ARHGAP15: variants seen among roughly 807,000 people sequenced by gnomAD.
ARHGAP15 encodes Rho GTPase activating protein 15.
In ARHGAP15, 51 loss-of-function variants were observed where a neutral mutation model predicts 63.7. That is an observed-to-expected ratio of 0.80 (90% confidence interval 0.64 to 1.01). The LOEUF (loss-of-function observed/expected upper bound fraction) is 1.01, where lower values mean the gene tolerates loss of function less well. ARHGAP15 is among the 50% of genes least tolerant of loss of function. The probability of loss-of-function intolerance (pLI) is 0.00; values close to 1 mark genes in which losing one functional copy is unlikely to be tolerated. For missense variants in ARHGAP15, 560 were observed against 564.6 expected, an observed-to-expected ratio of 0.99 and a Z score of 0.08; for synonymous variants, 191 against 193.8, an observed-to-expected ratio of 0.99 and a Z score of 0.12.
At chr2:143,695,687 G>T (rs1470387490) in intron 12 of ARHGAP15, among the ~76,000 whole-genome samples, 1 of 152,176 alleles carries the variant, frequency 6.6e-6, no homozygotes. Context: ...GGGCAACACG[G>T]TGAAACCCCA....
intron 13 of ARHGAP15, among the ~76,000 whole-genome samples, chr2:143,728,049 G>C (rs58804019): frequency 0.057 from 8,668 of 152,226 alleles, 389 homozygotes; most frequent in East Asian, 0.26. Flanking sequence ...GTGTTAGTTT[G>C]CTAGGGCAGC....
chr2:143,583,738 A>G (rs1696999516), intron 11 of ARHGAP15, among the ~76,000 whole-genome samples: 1 of 152,350 alleles, frequency 6.6e-6, no homozygotes, highest in South Asian at 2.1e-4. Context: ...ACTGACAAAC[A>G]ACTACTTTTA....
intron 12 of ARHGAP15, among the ~76,000 whole-genome samples, chr2:143,691,145 G>A (rs555750870): frequency 6.6e-6 from 1 of 152,286 alleles, no homozygotes; most frequent in Non-Finnish European, 1.5e-5. Flanking sequence ...TTTTCAGTGA[G>A]GTGTTTGCCA....
At chr2:143,277,022 G>T (rs978975648) in intron 6 of ARHGAP15, among the ~76,000 whole-genome samples, 1 of 152,016 alleles carries the variant, frequency 6.6e-6, no homozygotes, top group South Asian at 2.1e-4. Flanking sequence ...ATGCACTGAG[G>T]CCTCATATTT....
chr2:143,308,603 T>C (rs1459678032), intron 6 of ARHGAP15, among the ~76,000 whole-genome samples: 1 of 152,052 alleles, frequency 6.6e-6, no homozygotes, highest in Admixed American at 6.6e-5. Context: ...TATAGATTGT[T>C]TTAAGCAAGA....
At chr2:143,723,455 A>T (rs1291411214) in intron 13 of ARHGAP15, among the ~76,000 whole-genome samples, 1 of 152,172 alleles carries the variant, frequency 6.6e-6, no homozygotes, top group Non-Finnish European at 1.5e-5. Context: ...CATTGGGAAG[A>T]GAGGAATTCC....
At chr2:143,584,957 G>A (rs552258355) in intron 11 of ARHGAP15, among the ~76,000 whole-genome samples, 17 of 152,154 alleles carry the variant, frequency 1.1e-4, no homozygotes, top group South Asian at 4.1e-4. Flanking sequence ...TAATATCTTC[G>A]TACATGTATT....
intron 6 of ARHGAP15, among the ~76,000 whole-genome samples, chr2:143,393,539 C>T (rs1687624860): frequency 6.6e-6 from 1 of 151,900 alleles, no homozygotes; most frequent in Admixed American, 6.6e-5. Flanking sequence ...CAAGACGATC[C>T]TGACCAACAT....
intron 5 of ARHGAP15, chr2:143,236,719 G>T (rs917056038): frequency 6.6e-6 from 1 of 152,162 alleles, no homozygotes; most frequent in Non-Finnish European, 1.5e-5. Flanking sequence ...GGGGGCAAAA[G>T]ATATTTTATG....
In ARHGAP15 at chr2:143,651,704, T is replaced by TA. The variant is rs528923678; in HGVS notation, c.1138+27437_1138+27438insA. Among the ~76,000 whole-genome samples the TA allele has an allele frequency of 1.6e-4, 24 of 152,128 alleles. No individual in the cohort carries two copies. The East Asian group carries it at 1.7e-3, about 11-fold the overall frequency. ...TACCAGCAGTATAGGAGATATGCAT[T>TA]TCCTCCACATCCTCATTAACACTCA... On this transcript the variant is annotated intron_variant, in intron 12 of 13. Coordinates refer to ENST00000295095, the MANE Select transcript of ARHGAP15 (RefSeq NM_018460.4).
intron 6 of ARHGAP15, among the ~76,000 whole-genome samples, chr2:143,323,622 T>TG (rs1308643578): frequency 6.6e-6 from 1 of 151,758 alleles, no homozygotes; most frequent in African/African-American, 2.4e-5. Flanking sequence ...CTAGGCTGGG[T>TG]GTGGTGGTTC....
At chr2:143,589,504 A>T (rs1481838510) in intron 11 of ARHGAP15, among the ~76,000 whole-genome samples, 1 of 152,228 alleles carries the variant, frequency 6.6e-6, no homozygotes, top group Non-Finnish European at 1.5e-5. Flanking sequence ...ACTGAGGCTT[A>T]GTGAGGTTAA....
intron 8 of ARHGAP15, among the ~76,000 whole-genome samples, chr2:143,473,987 A>T (rs1480067633): frequency 3.9e-5 from 6 of 152,168 alleles, no homozygotes; most frequent in African/African-American, 1.4e-4. Context: ...TCAATAGTCC[A>T]AAAGTTCAAG....
chr2:143,245,972 T>A (rs901197693), intron 5 of ARHGAP15, among the ~76,000 whole-genome samples: 1 of 151,826 alleles, frequency 6.6e-6, no homozygotes, highest in African/African-American at 2.4e-5. Context: ...GAAGACAAAG[T>A]GGGAAATGAC....
intron 2 of ARHGAP15, among the ~76,000 whole-genome samples, chr2:143,158,493 G>A (rs1690168045): frequency 6.6e-5 from 10 of 151,930 alleles, no homozygotes; most frequent in Non-Finnish European, 1.5e-5. Context: ...TATTGGTGAT[G>A]TGCATCGTTT....
At chr2:143,194,412 C>A (rs1318786459) in intron 2 of ARHGAP15, among the ~76,000 whole-genome samples, 1 of 152,124 alleles carries the variant, frequency 6.6e-6, no homozygotes, top group East Asian at 1.9e-4. Flanking sequence ...ATGGTAGGAA[C>A]TATAGCTTTG....
At chr2:143,153,840 T>TCTTCCTCCTCCTCCTCC (rs1553440925) in intron 1 of ARHGAP15, among the ~76,000 whole-genome samples, 1 of 78,398 alleles carries the variant, frequency 1.3e-5, no homozygotes, top group Non-Finnish European at 2.4e-5. Flanking sequence ...CTTCTTCTTC[T>TCTTCCTCCTCCTCCTCC]TCTTCCTCCT....
At chr2:143,680,492 C>T (rs1056709791) in intron 12 of ARHGAP15, among the ~76,000 whole-genome samples, 1 of 152,214 alleles carries the variant, frequency 6.6e-6, no homozygotes, top group Non-Finnish European at 1.5e-5. Context: ...TCACAAAAGG[C>T]TAACAGAAAT....
At chr2:143,307,426 A>C (rs183876159) in intron 6 of ARHGAP15, among the ~76,000 whole-genome samples, 1 of 152,266 alleles carries the variant, frequency 6.6e-6, no homozygotes, top group East Asian at 1.9e-4. Context: ...AACTATTTCA[A>C]CTAAATAAAG....
Sources: allele counts gnomAD v4.1 joint callset (sites outside exome capture counted in the v4.1 genomes callset), GRCh38; gene constraint gnomAD v4.1.1; transcripts MANE v1.5; gene names NCBI Gene and HGNC (gene_info 2026-07-23, HGNC 2026-07-21).